Variants in PSD3 observed in about 807,000 individuals in gnomAD.
PSD3 encodes the protein PH and SEC7 domain-containing protein 3.
In PSD3, 49 loss-of-function variants were observed where a neutral mutation model predicts 105.5. The ratio of observed to expected loss-of-function variants is 0.46; its 90% CI spans 0.37 to 0.59. The LOEUF is 0.59. Ranked by LOEUF, PSD3 falls within the 20% of genes least tolerant of loss-of-function variation. The pLI is 0.00. For synonymous variants in PSD3, 557 were observed against 457.8 expected (o/e 1.22, Z -2.77); for missense variants, 1,561 against 1,263.8 (o/e 1.24, Z -3.57).
intron 12 of PSD3, among the ~76,000 whole-genome samples, chr8:18,593,329 T>A (rs1763895791): frequency 6.6e-6 from 1 of 152,176 alleles, no homozygotes; most frequent in African/African-American, 2.4e-5. Flanking sequence ...GAACAGACAC[T>A]TCTCAAAAGA....
chr8:18,962,737 G>C (rs1167191159), intron 1 of PSD3, among the ~76,000 whole-genome samples: 1 of 152,190 alleles, frequency 6.6e-6, no homozygotes, highest in African/African-American at 2.4e-5. Flanking sequence ...AAAAAAGAAA[G>C]TCATGCATGA....
chr8:18,566,633 T>TG (rs1444642577), intron 14 of PSD3, among the ~76,000 whole-genome samples: 1 of 151,868 alleles, frequency 6.6e-6, no homozygotes, highest in Non-Finnish European at 1.5e-5. Flanking sequence ...TGCAATTCAG[T>TG]GGGGTGGCGG....
At chr8:18,874,401 G>A (rs576524207) in intron 2 of PSD3, among the ~76,000 whole-genome samples, 5 of 152,010 alleles carry the variant, frequency 3.3e-5, no homozygotes, top group African/African-American at 4.8e-5. Context: ...TCTTGACCTC[G>A]TGATCCACCT....
At chr8:18,725,646 C>A (rs1365258022) in intron 9 of PSD3, among the ~76,000 whole-genome samples, 1 of 152,162 alleles carries the variant, frequency 6.6e-6, no homozygotes, top group Non-Finnish European at 1.5e-5. Context: ...AGAAGACCCA[C>A]TGAAAGGAAC....
At chr8:18,591,678 A>C (rs990578930) in intron 12 of PSD3, among the ~76,000 whole-genome samples, 22 of 151,876 alleles carry the variant, frequency 1.4e-4, no homozygotes, top group Non-Finnish European at 1.9e-4. Flanking sequence ...CTTGGGAGGG[A>C]GAGAGAGAGG....
chr8:18,951,510 C>A lies in PSD3; in HGVS notation c.22-15368G>T, dbSNP rs79643281. Among the ~76,000 whole-genome samples, 899 of 152,294 alleles carry A rather than the reference C, an allele frequency of 5.9e-3. 2 individuals carry two copies. The highest frequency in any genetic ancestry group is 0.019 in the South Asian group (94 of 4,832). On this transcript the variant is annotated intron_variant, in intron 1 of 15. Coordinates refer to ENST00000327040, the MANE Select transcript of PSD3 (RefSeq NM_015310.4). Reference sequence around the variant, plus strand: ...ACAGCCACCATTCCTACAACACAAACCACAACCACAAAGTACCTGGAAAAA... The same window carrying A: ...ACAGCCACCATTCCTACAACACAAAACACAACCACAAAGTACCTGGAAAAA...
chr8:18,765,370 C>G lies in PSD3; in HGVS notation c.2172+79G>C, dbSNP rs191174358. On this transcript the variant is annotated intron_variant, in intron 9 of 15. Transcript: ENST00000327040. Reference sequence around the variant, plus strand: ...CAAAAAGCAAAATACTTAAGTGATCCTTAGCCTACTTAGGATTAAGCTGTA... The same window carrying G: ...CAAAAAGCAAAATACTTAAGTGATCGTTAGCCTACTTAGGATTAAGCTGTA... 4.7e-6 allele frequency: 6 copies of G among 1,288,450 alleles called. No individual in the cohort carries two copies. The African/African-American group carries it at 7.7e-5, about 16-fold the overall frequency. 79.8% of individuals were successfully genotyped at this position (1,288,450 alleles called of 1,614,324 possible).
intron 1 of PSD3, among the ~76,000 whole-genome samples, chr8:18,973,350 C>A (rs1824756651): frequency 2.6e-5 from 4 of 152,190 alleles, no homozygotes; most frequent in Admixed American, 2.6e-4. Flanking sequence ...AGACATTTTT[C>A]TCAAAGTTCT....
intron 1 of PSD3, among the ~76,000 whole-genome samples, chr8:18,948,519 C>T (rs1823002817): frequency 6.6e-6 from 1 of 152,090 alleles, no homozygotes; most frequent in Admixed American, 6.6e-5. Context: ...GGAGGTGGGT[C>T]AGGTACTGAG....
At chr8:18,821,435 G>C (rs1055767948) in intron 4 of PSD3, among the ~76,000 whole-genome samples, 1 of 151,768 alleles carries the variant, frequency 6.6e-6, no homozygotes. Context: ...TGAGATTATA[G>C]GTAACTATTC....
intron 1 of PSD3, among the ~76,000 whole-genome samples, chr8:18,948,924 G>C (rs1473593153): frequency 4.0e-5 from 6 of 151,860 alleles, no homozygotes. Context: ...ACTTAAAAGT[G>C]ACCTCTTGGT....
At chr8:18,963,797 C>T (rs760842385) in intron 1 of PSD3, among the ~76,000 whole-genome samples, 9 of 152,252 alleles carry the variant, frequency 5.9e-5, no homozygotes, top group Admixed American at 2.0e-4. Flanking sequence ...ACCACATTAT[C>T]GAAACATGAA....
chr8:18,733,896 A>T (rs1203852455), intron 9 of PSD3: 1 of 152,498 alleles, frequency 6.6e-6, no homozygotes, highest in East Asian at 1.9e-4. Context: ...AAAGAAAAAG[A>T]GCAGAAAAGC....
chr8:19,040,245 C>A (rs942926082), intron 1 of PSD3, among the ~76,000 whole-genome samples: 15 of 152,090 alleles, frequency 9.9e-5, no homozygotes, highest in South Asian at 2.1e-4. Context: ...TTTTGTTGCT[C>A]GGGCTGGAGT....
At chr8:18,546,134 T>A (rs1384930204) in intron 15 of PSD3, among the ~76,000 whole-genome samples, 1 of 152,096 alleles carries the variant, frequency 6.6e-6, no homozygotes, top group Non-Finnish European at 1.5e-5. Flanking sequence ...TAGATGGGAT[T>A]ACAGGTGCCC....
intron 9 of PSD3, among the ~76,000 whole-genome samples, chr8:18,672,367 GA>G (rs910135002): frequency 9.2e-5 from 14 of 152,126 alleles, no homozygotes; most frequent in African/African-American, 3.4e-4. Flanking sequence ...ATCCCTGGGG[GA>G]CTTTGACATT....
At chr8:18,974,263 A>T (rs959595043) in intron 1 of PSD3, among the ~76,000 whole-genome samples, 12 of 152,242 alleles carry the variant, frequency 7.9e-5, no homozygotes, top group Non-Finnish European at 1.8e-4. Flanking sequence ...TCAGACAGTG[A>T]CTAAAAACAT....
chr8:18,868,170 C>T, intron 3 of PSD3, 101 bp from the exon 4 acceptor site: 1 of 1,261,536 alleles, frequency 7.9e-7, no homozygotes. Flanking sequence ...AGATCTAACT[C>T]TTCTATTCAT....
At chr8:18,884,765 T>C (rs1333144897) in intron 2 of PSD3, among the ~76,000 whole-genome samples, 1 of 152,202 alleles carries the variant, frequency 6.6e-6, no homozygotes, top group Non-Finnish European at 1.5e-5. Flanking sequence ...CAAACTAAAT[T>C]TCACATACTA....
Sources: allele counts gnomAD v4.1 joint callset (sites outside exome capture counted in the v4.1 genomes callset), GRCh38; gene constraint gnomAD v4.1.1; transcripts MANE v1.5; gene names NCBI Gene and HGNC (gene_info 2026-07-23, HGNC 2026-07-21).